Variants in TBX5 observed in about 807,000 individuals in gnomAD.
TBX5 encodes the protein T-box transcription factor TBX5.
TBX5 carries 8 observed loss-of-function variants against 51.1 expected under a neutral mutation model. The ratio of observed to expected loss-of-function variants is 0.16; its 90% CI spans 0.09 to 0.28. TBX5 has a LOEUF of 0.28. Among genes scored for constraint, TBX5 ranks in the 10% least tolerant of loss-of-function variants. The pLI is 1.00. For missense variants in TBX5, 589 were observed against 671.7 expected (o/e 0.88, Z 1.36); for synonymous variants, 302 against 266.4 (o/e 1.13, Z -1.30).
chr12:114,406,041 A>G lies in TBX5; in HGVS notation c.-452T>C, dbSNP rs913670817. Reference sequence around the variant, plus strand: ...TTAAAGTTCCCGGATTCGAGGTAAGAGTCAGTCTCTCTCACTCTCTCTCCC... The same window carrying G: ...TTAAAGTTCCCGGATTCGAGGTAAGGGTCAGTCTCTCTCACTCTCTCTCCC... On this transcript the variant is annotated 5_prime_UTR_variant, in exon 1 of 9. Coordinates refer to ENST00000405440, the MANE Select transcript of TBX5 (RefSeq NM_181486.4). The G allele has an allele frequency of 1.0e-5, 10 of 984,906 alleles. No individual in the cohort carries two copies. The South Asian group carries it at 1.4e-4, about 14-fold the overall frequency. The allele number at this position is 984,906 out of a possible 1,614,324, so 61.0% of individuals were successfully genotyped here.
At chr12:114,368,332 CTCAATCAATCAATCAA>C (rs57863558) in intron 7 of TBX5, among the ~76,000 whole-genome samples, 1 of 151,564 alleles carries the variant, frequency 6.6e-6, no homozygotes, top group Admixed American at 6.6e-5. Flanking sequence ...GAAACCCTGT[CTCAATCAATCAATCAA>C]TCAATCAATC....
upstream of TBX5, among the ~76,000 whole-genome samples, chr12:114,407,518 C>T (rs1187294110): frequency 1.3e-5 from 2 of 152,192 alleles, no homozygotes; most frequent in East Asian, 3.9e-4. Flanking sequence ...CATAAATAAT[C>T]TTCAGGCCCC....
intron 6 of TBX5, among the ~76,000 whole-genome samples, chr12:114,391,969 C>A (rs939940981): frequency 6.6e-6 from 1 of 152,056 alleles, no homozygotes; most frequent in Non-Finnish European, 1.5e-5. Context: ...ATTTCTCTCC[C>A]GGATGTCAAG....
chr12:114,401,464 CTCTGTTT>C (rs1440951689), intron 3 of TBX5, among the ~76,000 whole-genome samples: 1 of 152,186 alleles, frequency 6.6e-6, no homozygotes, highest in African/African-American at 2.4e-5. Context: ...TTCTCTGGGT[CTCTGTTT>C]TCTGTTTTCT....
At chr12:114,401,727 T>C (rs557452654) in intron 3 of TBX5, 99 bp downstream of exon 3, 2 of 1,036,802 alleles carry the variant, frequency 1.9e-6, no homozygotes, top group South Asian at 2.6e-5. Context: ...CCTCTCCTTT[T>C]GCCCCTTTCC....
intron 7 of TBX5, among the ~76,000 whole-genome samples, chr12:114,375,096 T>C (rs901708538): frequency 1.3e-5 from 2 of 152,214 alleles, no homozygotes; most frequent in African/African-American, 2.4e-5. Flanking sequence ...AATTCTAATG[T>C]TCAGTGTGAG....
At chr12:114,375,817 G>A (rs916230555) in intron 7 of TBX5, among the ~76,000 whole-genome samples, 4 of 152,168 alleles carry the variant, frequency 2.6e-5, no homozygotes, top group South Asian at 2.1e-4. Context: ...GCCAAGGCAG[G>A]AGGATCACTT....
At chr12:114,360,140 C>G (rs1260804504) in intron 8 of TBX5, among the ~76,000 whole-genome samples, 1 of 152,218 alleles carries the variant, frequency 6.6e-6, no homozygotes, top group South Asian at 2.1e-4. Context: ...TCTTCCCAGA[C>G]AGAGACCCTG....
intron 7 of TBX5, among the ~76,000 whole-genome samples, chr12:114,372,069 G>T (rs1166747062): frequency 6.6e-6 from 1 of 152,138 alleles, no homozygotes; most frequent in Admixed American, 6.6e-5. Flanking sequence ...TGGACATAGA[G>T]CATGGAATAA....
intron 7 of TBX5, among the ~76,000 whole-genome samples, chr12:114,376,481 T>G (rs7964303): frequency 0.69 from 104,858 of 151,790 alleles, 36,743 homozygotes; most frequent in East Asian, 0.78. Flanking sequence ...TGGTTGCCAG[T>G]AGCTGGGGAG....
intron 8 of TBX5, among the ~76,000 whole-genome samples, chr12:114,356,993 TG>T (rs1303347726): frequency 1.1e-3 from 28 of 25,150 alleles, no homozygotes; most frequent in African/African-American, 1.4e-3. Context: ...ATTTGTACGA[TG>T]GATGGATGGA....
chr12:114,396,327 G>A (rs1004252117), intron 5 of TBX5, among the ~76,000 whole-genome samples: 2 of 152,028 alleles, frequency 1.3e-5, no homozygotes, highest in Non-Finnish European at 2.9e-5. Context: ...CACAGTCCCC[G>A]GCCGGCGGGG....
chr12:114,382,973 T>A (rs1268707657), intron 7 of TBX5, among the ~76,000 whole-genome samples: 1 of 103,366 alleles, frequency 9.7e-6, no homozygotes, highest in South Asian at 3.9e-4. Flanking sequence ...TGAGACCCTG[T>A]CTCCAAAAAA....
chr12:114,372,969 AAT>A (rs756699470), intron 7 of TBX5, among the ~76,000 whole-genome samples: 225 of 129,340 alleles, frequency 1.7e-3, no homozygotes, highest in Non-Finnish European at 2.6e-3. Flanking sequence ...AGGCTTAGCG[AAT>A]ATATATACAT....
intron 8 of TBX5, among the ~76,000 whole-genome samples, chr12:114,357,994 CA>C (rs1869015517): frequency 6.6e-6 from 1 of 152,178 alleles, no homozygotes; most frequent in Non-Finnish European, 1.5e-5. Flanking sequence ...CTCTTCATCT[CA>C]CAGTAATTCC....
At chr12:114,403,967 TG>T in intron 1 of TBX5, 31 bp from the exon 2 acceptor site, 1 of 1,576,770 alleles carries the variant, frequency 6.3e-7, no homozygotes, top group Admixed American at 1.8e-5. Flanking sequence ...GAGATGGGGG[TG>T]GGGAGGACAG....
At chr12:114,398,456 A>G (rs571758113) in intron 5 of TBX5, 117 bp downstream of exon 5, 2 of 1,424,466 alleles carry the variant, frequency 1.4e-6, no homozygotes, top group South Asian at 1.2e-5. Context: ...GGGAAAATGG[A>G]GGAAAGAAAA....
chr12:114,387,821 T>C (rs1870905164), intron 6 of TBX5, among the ~76,000 whole-genome samples: 2 of 152,210 alleles, frequency 1.3e-5, no homozygotes, highest in African/African-American at 4.8e-5. Context: ...AAACTAAAAC[T>C]GCTCTAAAAA....
At position 114,397,123 on chromosome 12, in the gene TBX5, T is replaced by C. The variant is rs567800794; in HGVS notation, c.510+1450A>G. Among the ~76,000 whole-genome samples the C allele has an allele frequency of 3.0e-4, 46 of 152,330 alleles. No individual in the cohort carries two copies. The South Asian group carries it at 9.1e-3, about 30-fold the overall frequency. ...GCCTCAAAGGAGCAGATTTCTCGTT[T>C]GGACCTTCATAAACCATCCTCCCCC... On this transcript the variant is annotated intron_variant, in intron 5 of 8. Coordinates refer to ENST00000405440, the MANE Select transcript of TBX5 (RefSeq NM_181486.4).
Sources: allele counts gnomAD v4.1 joint callset (sites outside exome capture counted in the v4.1 genomes callset), GRCh38; gene constraint gnomAD v4.1.1; transcripts MANE v1.5; gene names NCBI Gene and HGNC (gene_info 2026-07-23, HGNC 2026-07-21).